The following WIPF2 variants were observed in gnomAD, a reference collection of about 807,000 sequenced individuals.
The protein encoded by WIPF2 is WAS/WASL-interacting protein family member 2.
A neutral mutation model predicts 38.8 loss-of-function variants in WIPF2; 23 were observed. The ratio of observed to expected loss-of-function variants is 0.59; its 90% CI spans 0.43 to 0.84. The LOEUF (loss-of-function observed/expected upper bound fraction) is 0.84, where lower values mean the gene tolerates loss of function less well. Among genes scored for constraint, WIPF2 ranks in the 40% least tolerant of loss-of-function variants. The probability of loss-of-function intolerance (pLI) is 0.00; values close to 1 mark genes in which losing one functional copy is unlikely to be tolerated. For synonymous variants in WIPF2, 210 were observed against 223.2 expected, an observed-to-expected ratio of 0.94 and a Z score of 0.53; for missense variants, 574 against 580.5, an observed-to-expected ratio of 0.99 and a Z score of 0.11.
chr17:40,274,975 C>A (rs1025147994), intron 6 of WIPF2, among the ~76,000 whole-genome samples: 4 of 149,042 alleles, frequency 2.7e-5, no homozygotes, highest in African/African-American at 9.9e-5. Context: ...TGCAGTGGCT[C>A]ACGCCTGTAA....
Position 40,273,842 on chromosome 17 carries a change from TCCCCCA to T in WIPF2, c.1026_1031del (p.Pro344_Pro345del). The T allele has an allele frequency of 2.7e-6, 3 of 1,124,838 alleles. No homozygotes were observed. Among genetic ancestry groups the T allele is most frequent in the South Asian group, 1.7e-5 (1 of 57,568 alleles). The allele number at this position is 1,124,838 out of a possible 1,614,324, so 69.7% of individuals were successfully genotyped here. A position where few individuals can be genotyped will look rare whatever the true frequency, so the allele number is the denominator to read the frequency against. On this transcript the variant is annotated inframe_deletion, in exon 6 of 8. Coordinates refer to ENST00000323571, the MANE Select transcript of WIPF2 (RefSeq NM_133264.5). ...GAAATGGTGCCAGGGATGCTCCCCC[TCCCCCA>T]CCACCATACCGAATGCATGGGTCAG...
At chr17:40,222,480 C>G (rs2030279207) in intron 1 of WIPF2, among the ~76,000 whole-genome samples, 1 of 150,654 alleles carries the variant, frequency 6.6e-6, no homozygotes, top group Non-Finnish European at 1.5e-5. Context: ...TGCACTCCAG[C>G]CTGGGCAACA....
chr17:40,242,371 GAAGA>G (rs1303478284), intron 1 of WIPF2, among the ~76,000 whole-genome samples: 2 of 152,050 alleles, frequency 1.3e-5, no homozygotes, highest in South Asian at 4.1e-4. Flanking sequence ...CTTTCTCAAG[GAAGA>G]AAGAAAGAAA....
intron 4 of WIPF2, among the ~76,000 whole-genome samples, chr17:40,263,546 TCCCCCCCCCCC>T (rs71152659): frequency 1.2e-5 from 1 of 85,916 alleles, no homozygotes; most frequent in Non-Finnish European, 2.3e-5. Flanking sequence ...TATTTATTCG[TCCCCCCCCCCC>T]CCGCAAATGG....
At chr17:40,249,936 A>G (rs1371276019) in intron 1 of WIPF2, among the ~76,000 whole-genome samples, 13 of 144,608 alleles carry the variant, frequency 9.0e-5, no homozygotes, top group African/African-American at 3.3e-4. Flanking sequence ...GGGTTCAAGC[A>G]ATTCTCCTGC....
intron 5 of WIPF2, among the ~76,000 whole-genome samples, chr17:40,266,282 A>C (rs1233053719): frequency 6.6e-6 from 1 of 151,476 alleles, no homozygotes; most frequent in Non-Finnish European, 1.5e-5. Flanking sequence ...TCGCCCTCCT[A>C]CATTAGAGGC....
rs558798997 is a variant in WIPF2 at position 40,228,675 on chromosome 17, C to T, written c.-70+9183C>T. 1.1e-4 allele frequency among the ~76,000 whole-genome samples: 17 copies of T among 151,724 alleles called. No individual in the cohort carries two copies. The South Asian group carries it at 3.1e-3, about 28-fold the overall frequency. The stretch of plus-strand genomic sequence containing the variant: ...ACAGAGTCTCTCTCTGTCACCCAGG[C>T]GGGAATTTAGTGGTGCAAACATGGT... On this transcript the variant is annotated intron_variant, in intron 1 of 7. Transcript: ENST00000323571.
At position 40,256,522 on chromosome 17, in the gene WIPF2, G is replaced by A. The variant is rs1487574925; in HGVS notation, c.63G>A (p.Gln21=). 1.2e-6 allele frequency: 2 copies of A among 1,603,784 alleles called. No individual in the cohort carries two copies. The highest frequency in any genetic ancestry group is 2.3e-5 in the East Asian group (1 of 43,802). ...PGPPPPPTFH[Q]ANTEQPKLSR... Reference sequence around the variant, plus strand: ...CTCCTCCACCTCCCACATTTCATCAGGTAGGTAGTCCTTCCATTAGGCTAT... The same window carrying A: ...CTCCTCCACCTCCCACATTTCATCAAGTAGGTAGTCCTTCCATTAGGCTAT... Residue 21 remains glutamine (Q), a splice_region_variant and synonymous_variant, in exon 2 of 8, where the codon CAG becomes CAA. Transcript: ENST00000323571.
At chr17:40,250,853 G>C (rs1001249473) in intron 1 of WIPF2, among the ~76,000 whole-genome samples, 1 of 151,080 alleles carries the variant, frequency 6.6e-6, no homozygotes, top group African/African-American at 2.4e-5. Flanking sequence ...GATCACTGGA[G>C]CCCAGGAGTT....
At chr17:40,243,856 G>A (rs1318402471) in intron 1 of WIPF2, among the ~76,000 whole-genome samples, 1 of 151,902 alleles carries the variant, frequency 6.6e-6, no homozygotes, top group Non-Finnish European at 1.5e-5. Flanking sequence ...ATGGTTATGT[G>A]ATTTTTTTTA....
At chr17:40,241,044 A>G (rs1478932531) in intron 1 of WIPF2, among the ~76,000 whole-genome samples, 1 of 152,124 alleles carries the variant, frequency 6.6e-6, no homozygotes, top group Admixed American at 6.6e-5. Context: ...CATGTTATTC[A>G]ACATATTCAT....
intron 2 of WIPF2, among the ~76,000 whole-genome samples, chr17:40,258,885 A>T (rs908359857): frequency 6.6e-6 from 1 of 151,188 alleles, no homozygotes; most frequent in Admixed American, 6.6e-5. Flanking sequence ...GGCTCAAGTG[A>T]TCCGCTTGCT....
chr17:40,264,326 CAAAAAAAAAAA>C (rs772320240), intron 4 of WIPF2, among the ~76,000 whole-genome samples, 153 bp from the exon 5 acceptor site: 39 of 23,968 alleles, frequency 1.6e-3, no homozygotes, highest in African/African-American at 2.3e-3. Context: ...AACTTCGTCT[CAAAAAAAAAAA>C]AAAAAAAAAA....
chr17:40,248,758 G>C (rs1450313967), intron 1 of WIPF2, among the ~76,000 whole-genome samples: 1 of 152,150 alleles, frequency 6.6e-6, no homozygotes, highest in Non-Finnish European at 1.5e-5. Context: ...GATTATCTGG[G>C]AGATAGAGTA....
intron 2 of WIPF2, among the ~76,000 whole-genome samples, chr17:40,260,179 C>CTTTTTTTTTTTT (rs34757828): frequency 2.0e-5 from 2 of 101,050 alleles, no homozygotes; most frequent in Non-Finnish European, 4.0e-5. Flanking sequence ...ATAAAGGGAA[C>CTTTTTTTTTTTT]TTTTTTTTTT....
rs1300408449 is a variant in WIPF2 at position 40,280,285 on chromosome 17, A to G, written c.*2060A>G. On this transcript the variant is annotated 3_prime_UTR_variant, in exon 8 of 8. Transcript: ENST00000323571. ...GAAGTTCGAGACCAGCCTGTCCAACATGGTGAAACCCCGTCTCCACTAAAA... is the reference window on the plus strand; with the variant it reads ...GAAGTTCGAGACCAGCCTGTCCAACGTGGTGAAACCCCGTCTCCACTAAAA... The G allele has an allele frequency of 1.3e-5, 2 of 152,288 alleles. No individual in the cohort carries two copies. The highest frequency in any genetic ancestry group is 4.8e-5 in the African/African-American group (2 of 41,460). 9.4% of individuals were successfully genotyped at this position (152,288 alleles called of 1,614,324 possible).
At chr17:40,273,286 C>T (rs911147056) in intron 5 of WIPF2, among the ~76,000 whole-genome samples, 5 of 152,110 alleles carry the variant, frequency 3.3e-5, no homozygotes, top group Admixed American at 1.3e-4. Flanking sequence ...CCTCCCGCCT[C>T]GGCCTCCCAA....
intron 1 of WIPF2, among the ~76,000 whole-genome samples, chr17:40,222,465 G>T (rs1293958425): frequency 6.6e-6 from 1 of 150,552 alleles, no homozygotes; most frequent in African/African-American, 2.4e-5. Flanking sequence ...CTGAGATCGC[G>T]CCATTGCACT....
At chr17:40,274,557 G>GGAAAAAA (rs2032332977) in intron 6 of WIPF2, among the ~76,000 whole-genome samples, 2 of 24,780 alleles carry the variant, frequency 8.1e-5, no homozygotes, top group Non-Finnish European at 1.6e-4. Context: ...TGGAATTCTT[G>GGAAAAAA]AAAAAAAAAA....
Sources: allele counts gnomAD v4.1 joint callset (sites outside exome capture counted in the v4.1 genomes callset), GRCh38; gene constraint gnomAD v4.1.1; transcripts MANE v1.5; gene names NCBI Gene and HGNC (gene_info 2026-07-23, HGNC 2026-07-21).